ELMO1: variants seen among roughly 807,000 people sequenced by gnomAD.
ELMO1 encodes engulfment and cell motility protein 1.
Under a neutral mutation model 98.9 loss-of-function variants are expected in ELMO1, and 26 were observed. The ratio of observed to expected loss-of-function variants is 0.26; its 90% CI spans 0.19 to 0.36. The LOEUF is 0.36. Among genes scored for constraint, ELMO1 ranks in the 10% least tolerant of loss-of-function variants. The pLI, the probability that ELMO1 is intolerant of heterozygous loss-of-function variation, is 1.00. For missense variants in ELMO1, 627 were observed against 935.2 expected, an observed-to-expected ratio of 0.67 and a Z score of 4.30; for synonymous variants, 346 against 346.0, an observed-to-expected ratio of 1.00 and a Z score of 0.00.
intron 1 of ELMO1, among the ~76,000 whole-genome samples, chr7:37,376,497 G>C (rs79932854): frequency 6.6e-6 from 1 of 152,104 alleles, no homozygotes; most frequent in Non-Finnish European, 1.5e-5. Flanking sequence ...TTTGAGATAC[G>C]TTTCAGATTT....
chr7:37,396,208 C>A (rs2131439329), intron 1 of ELMO1, among the ~76,000 whole-genome samples: 1 of 152,066 alleles, frequency 6.6e-6, no homozygotes, highest in Non-Finnish European at 1.5e-5. Context: ...TTCCTAAGCA[C>A]AGTAGACATA....
At chr7:37,066,756 C>T (rs868308242) in intron 15 of ELMO1, among the ~76,000 whole-genome samples, 5 of 152,086 alleles carry the variant, frequency 3.3e-5, no homozygotes, top group Non-Finnish European at 7.4e-5. Context: ...TGAATATGTA[C>T]AATTATTATT....
intron 16 of ELMO1, among the ~76,000 whole-genome samples, chr7:36,947,612 A>T (rs1787606662): frequency 6.6e-6 from 1 of 152,166 alleles, no homozygotes; most frequent in Admixed American, 6.5e-5. Context: ...AGATCTGATC[A>T]TGTCTTTCCT....
chr7:37,385,629 A>T (rs944159362), intron 1 of ELMO1, among the ~76,000 whole-genome samples: 2 of 152,236 alleles, frequency 1.3e-5, no homozygotes, highest in African/African-American at 4.8e-5. Context: ...ATCCCTGAAT[A>T]GAAAAGAAGC....
chr7:37,222,868 G>A lies in ELMO1; in HGVS notation c.702-175C>T, dbSNP rs952402804. The stretch of plus-strand genomic sequence containing the variant: ...GAGAATGCATTTCAAACATCACAAG[G>A]TGGTAAATATACAACTACTATTACT... On this transcript the variant is annotated intron_variant, in intron 9 of 21. Transcript: ENST00000310758. 2.0e-5 allele frequency among the ~76,000 whole-genome samples: 3 copies of A among 152,172 alleles called. No individual in the cohort carries two copies. In the East Asian group the frequency reaches 5.8e-4, roughly 29 times the overall value.
chr7:37,177,070 C>T (rs541391871), intron 13 of ELMO1, among the ~76,000 whole-genome samples: 353 of 152,260 alleles, frequency 2.3e-3, no homozygotes, highest in Middle Eastern at 6.8e-3. Context: ...AGAAGAGTTT[C>T]CAGTGGAACT....
At chr7:36,933,448 C>T (rs1441089774) in intron 16 of ELMO1, among the ~76,000 whole-genome samples, 4 of 152,190 alleles carry the variant, frequency 2.6e-5, no homozygotes, top group Non-Finnish European at 4.4e-5. Context: ...GTAGTTCCTG[C>T]TAAGCCTCTA....
intron 19 of ELMO1, among the ~76,000 whole-genome samples, chr7:36,874,892 C>T (rs2129042993): frequency 6.6e-6 from 1 of 152,264 alleles, no homozygotes; most frequent in South Asian, 2.1e-4. Context: ...AAAAGGAATA[C>T]AAAAAGAAAG....
In ELMO1 at chr7:37,259,112, G is replaced by A. The variant is rs914809279; in HGVS notation, c.413+69C>T. 2.0e-5 allele frequency: 31 copies of A among 1,515,196 alleles called. No individual in the cohort carries two copies. In the East Asian group the frequency reaches 7.1e-4, roughly 35 times the overall value. The allele number at this position is 1,515,196 out of a possible 1,614,324, so 93.9% of individuals were successfully genotyped here. On this transcript the variant is annotated intron_variant, in intron 6 of 21. Coordinates refer to ENST00000310758, the MANE Select transcript of ELMO1 (RefSeq NM_014800.11). The stretch of plus-strand genomic sequence containing the variant: ...TTAAAACAGAGTTTGCAAGTGTAAG[G>A]CATGTAACAATATTCAAAACGCGGA...
At chr7:37,257,507 G>A (rs750915182) in intron 6 of ELMO1, among the ~76,000 whole-genome samples, 1 of 151,856 alleles carries the variant, frequency 6.6e-6, no homozygotes, top group Non-Finnish European at 1.5e-5. Context: ...GGCAGATCAC[G>A]AGGTCAAGAG....
At chr7:37,002,860 AGATAG>A (rs1792779843) in intron 16 of ELMO1, among the ~76,000 whole-genome samples, 1 of 152,214 alleles carries the variant, frequency 6.6e-6, no homozygotes, top group Admixed American at 6.5e-5. Flanking sequence ...TTAGGAAGCC[AGATAG>A]GCAATTGCAG....
At chr7:36,906,364 T>C (rs17170773) in intron 16 of ELMO1, among the ~76,000 whole-genome samples, 8,883 of 152,340 alleles carry the variant, frequency 0.058, 373 homozygotes, top group East Asian at 0.23. Context: ...CCATTCTTTG[T>C]TGAGAAATTG....
At chr7:37,405,037 G>C (rs906428139) in intron 1 of ELMO1, among the ~76,000 whole-genome samples, 1 of 152,116 alleles carries the variant, frequency 6.6e-6, no homozygotes, top group Non-Finnish European at 1.5e-5. Context: ...TTCCAGGAGA[G>C]AAGTCACTGT....
At chr7:37,372,439 A>C (rs1042601511) in intron 1 of ELMO1, among the ~76,000 whole-genome samples, 7 of 152,182 alleles carry the variant, frequency 4.6e-5, no homozygotes, top group African/African-American at 7.2e-5. Context: ...AATGATTACA[A>C]TGAGTCCCTG....
chr7:36,926,300 A>G lies in ELMO1; in HGVS notation c.1438-31283T>C, dbSNP rs544793785. On this transcript the variant is annotated intron_variant, in intron 16 of 21. Transcript: ENST00000310758. ...GGTGAAGAACCAGGCTTGGGCCTGG[A>G]GTGACTCACTCAAGATCACACATAT... Among the ~76,000 whole-genome samples, 3 of 152,348 alleles carry G rather than the reference A, an allele frequency of 2.0e-5. No individual in the cohort carries two copies. In the South Asian group the frequency reaches 6.2e-4, roughly 32 times the overall value.
rs559673193 is a variant in ELMO1 at position 36,991,184 on chromosome 7, CAGTT to C, written c.1437+22111_1437+22114del. On this transcript the variant is annotated intron_variant, in intron 16 of 21. Transcript: ENST00000310758. ...TACTTAGCCTCATGAAAATTCCAAA[CAGTT>C]AGGGTGTATATGCAGTAGGCTCTTC... is the stretch of plus-strand genomic sequence containing the variant. 1.7e-3 allele frequency among the ~76,000 whole-genome samples: 257 copies of C among 152,290 alleles called. 1 individual carries two copies. The highest frequency in any genetic ancestry group is 5.1e-3 in the African/African-American group (210 of 41,572).
intron 1 of ELMO1, among the ~76,000 whole-genome samples, chr7:37,402,204 G>T (rs1803566533): frequency 6.6e-6 from 1 of 152,096 alleles, no homozygotes; most frequent in African/African-American, 2.4e-5. Context: ...GCAACAAAAA[G>T]TTACAAGTGG....
intron 16 of ELMO1, chr7:36,986,029 C>G: frequency 5.0e-6 from 5 of 1,002,124 alleles, no homozygotes; most frequent in Non-Finnish European, 6.0e-6. Context: ...TGCTGGAATA[C>G]CACCAGATGG....
chr7:36,965,249 C>G (rs1412833812), intron 16 of ELMO1, among the ~76,000 whole-genome samples: 1 of 152,150 alleles, frequency 6.6e-6, no homozygotes, highest in African/African-American at 2.4e-5. Context: ...CCCGCTGCCT[C>G]CCTGAGGACA....
Sources: gnomAD v4.1 joint callset for allele counts (sites outside exome capture counted in the v4.1 genomes callset) on GRCh38, gnomAD v4.1.1 for gene constraint, MANE v1.5 for transcripts, NCBI Gene and HGNC (gene_info 2026-07-23, HGNC 2026-07-21) for gene names.